Variants in P2RX7 observed in about 807,000 individuals in gnomAD.
The protein encoded by P2RX7 is P2X purinoceptor 7.
P2RX7 carries 62 observed loss-of-function variants against 71.6 expected under a neutral mutation model. The ratio of observed to expected loss-of-function variants is 0.87; its 90% CI spans 0.71 to 1.07. The LOEUF is 1.07. Ranked by LOEUF, P2RX7 falls within the 50% of genes least tolerant of loss-of-function variation. P2RX7 has a pLI of 0.00. For synonymous variants in P2RX7, 299 were observed against 283.3 expected (o/e 1.06, Z -0.56); for missense variants, 686 against 748.5 (o/e 0.92, Z 0.97).
chr12:121,162,737 A>C (rs1291174122), intron 5 of P2RX7, among the ~76,000 whole-genome samples: 3 of 152,096 alleles, frequency 2.0e-5, no homozygotes, highest in Non-Finnish European at 2.9e-5. Context: ...TCCTGTACCA[A>C]CTGGTAAATA....
intron 3 of P2RX7, among the ~76,000 whole-genome samples, chr12:121,156,929 G>A (rs1878691175): frequency 6.6e-6 from 1 of 152,292 alleles, no homozygotes; most frequent in South Asian, 2.1e-4. Flanking sequence ...CAAGGCAGGA[G>A]GATCACTGGA....
intron 5 of P2RX7, 23 bp downstream of exon 5, chr12:121,162,543 C>T: frequency 6.2e-7 from 1 of 1,609,838 alleles, no homozygotes; most frequent in Non-Finnish European, 8.5e-7. Flanking sequence ...GGGAGACAGA[C>T]ACAGTGGCCC....
chr12:121,132,912 G>A lies in P2RX7; in HGVS notation c.-59G>A, dbSNP rs575837631. On this transcript the variant is annotated 5_prime_UTR_variant, in exon 1 of 13. Coordinates refer to ENST00000328963, the MANE Select transcript of P2RX7 (RefSeq NM_002562.6). ...AGTTACTGGGAGGGGGCTTGCTGTGGCCCTGTCAGGAAGAGTAGAGCTCTG... is the reference window on the plus strand; with the variant it reads ...AGTTACTGGGAGGGGGCTTGCTGTGACCCTGTCAGGAAGAGTAGAGCTCTG... 1.7e-5 allele frequency: 27 copies of A among 1,604,906 alleles called. No homozygotes were observed. The East Asian group carries it at 4.7e-4, about 28-fold the overall frequency.
At chr12:121,142,811 A>G (rs773124198) in intron 1 of P2RX7, among the ~76,000 whole-genome samples, 3 of 151,892 alleles carry the variant, frequency 2.0e-5, no homozygotes, top group Non-Finnish European at 2.9e-5. Context: ...AACTTTGGCC[A>G]GGTGCAGTGG....
intron 8 of P2RX7, among the ~76,000 whole-genome samples, chr12:121,174,048 C>CTTTTTTTTTT (rs141344773): frequency 3.7e-4 from 27 of 73,898 alleles, no homozygotes; most frequent in East Asian, 5.6e-4. Flanking sequence ...CTTTTCTTTT[C>CTTTTTTTTTT]TTTTTTTTTT....
At position 121,149,463 on chromosome 12, in the gene P2RX7, C is replaced by T. The variant is rs1416408843; in HGVS notation, c.126-5322C>T. Among the ~76,000 whole-genome samples the T allele has an allele frequency of 6.6e-6, 1 of 152,190 alleles. No individual in the cohort carries two copies. Among genetic ancestry groups the T allele is most frequent in the Non-Finnish European group, 1.5e-5 (1 of 68,036 alleles). On this transcript the variant is annotated intron_variant, in intron 1 of 12. Transcript: ENST00000328963. This position sits in a 1 kb window ranked among gnomAD's most constrained non-coding sequence, Gnocchi z 4.7. ...GGCAGAGGGCGAAAGGCATGTCTTACATGGTGGCAGGCAAAAAGTGAATGA... is the reference window on the plus strand; with the variant it reads ...GGCAGAGGGCGAAAGGCATGTCTTATATGGTGGCAGGCAAAAAGTGAATGA...
intron 5 of P2RX7, among the ~76,000 whole-genome samples, chr12:121,162,982 G>A (rs1288015332): frequency 6.6e-6 from 1 of 151,680 alleles, no homozygotes; most frequent in South Asian, 2.1e-4. Flanking sequence ...AAAGAGGGGG[G>A]GAAGGAAGTT....
intron 8 of P2RX7, among the ~76,000 whole-genome samples, chr12:121,171,013 C>T (rs949227682): frequency 2.0e-5 from 3 of 152,166 alleles, no homozygotes; most frequent in African/African-American, 7.2e-5. Flanking sequence ...CGCTTATGCA[C>T]GACCTGTGTG....
Position 121,149,048 on chromosome 12 carries a change from C to A in P2RX7, c.126-5737C>A. On this transcript the variant is annotated intron_variant, in intron 1 of 12. Transcript: ENST00000328963. This position sits in a 1 kb window ranked among gnomAD's most constrained non-coding sequence, Gnocchi z 4.7. ...GGAACTTTGCTGAAAGGGAGGTCCT[C>A]CCTGCAGAGCTTGAAGAGCAATCTA... 1 of 581,736 alleles carries A rather than the reference C, an allele frequency of 1.7e-6. No homozygotes were observed. The allele number at this position is 581,736 out of a possible 1,614,324, so 36.0% of individuals were successfully genotyped here. A position where few individuals can be genotyped will look rare whatever the true frequency, so the allele number is the denominator to read the frequency against.
intron 3 of P2RX7, among the ~76,000 whole-genome samples, chr12:121,156,374 G>T (rs1321355454): frequency 6.6e-6 from 1 of 152,188 alleles, no homozygotes; most frequent in Non-Finnish European, 1.5e-5. Context: ...CTCGGTCTCT[G>T]GTTCTAGCAC....
chr12:121,174,220 G>A (rs1389196706), intron 8 of P2RX7, among the ~76,000 whole-genome samples: 2 of 151,498 alleles, frequency 1.3e-5, no homozygotes, highest in Non-Finnish European at 2.9e-5. Flanking sequence ...GCTAATTTTT[G>A]TATTTTTAGT....
intron 12 of P2RX7, among the ~76,000 whole-genome samples, chr12:121,182,063 A>C (rs536259617): frequency 2.2e-3 from 313 of 144,694 alleles, no homozygotes; most frequent in African/African-American, 7.4e-3. Flanking sequence ...GCTCCATCTA[A>C]AAAAAAAAAA....
chr12:121,173,533 ACCATACCAGG>A (rs1882560894), intron 8 of P2RX7, among the ~76,000 whole-genome samples: 1 of 152,248 alleles, frequency 6.6e-6, no homozygotes, highest in African/African-American at 2.4e-5. Flanking sequence ...GCCACACCAC[ACCATACCAGG>A]CCATACCAGG....
At chr12:121,179,354 GC>G (rs781717770) in intron 11 of P2RX7, among the ~76,000 whole-genome samples, 13 of 151,898 alleles carry the variant, frequency 8.6e-5, no homozygotes, top group Non-Finnish European at 1.8e-4. Flanking sequence ...CAAAAAATTA[GC>G]CAGGCATGGT....
chr12:121,154,979 G>T lies in P2RX7; in HGVS notation c.294+26G>T. ...GTGAGCACCTCGTAGCATTCTCCCA[G>T]GCTCGTCGCTGGTCACCGTCGCCAG... On this transcript the variant is annotated intron_variant, in intron 2 of 12. Transcript: ENST00000328963. This position sits in a 1 kb window ranked among gnomAD's most constrained non-coding sequence, Gnocchi z 4.2. 2 of 1,612,528 alleles carry T rather than the reference G, an allele frequency of 1.2e-6. No homozygotes were observed. Among genetic ancestry groups the T allele is most frequent in the Non-Finnish European group, 1.7e-6 (2 of 1,178,960 alleles).
At chr12:121,158,340 G>A (rs1287461020) in intron 3 of P2RX7, among the ~76,000 whole-genome samples, 2 of 152,092 alleles carry the variant, frequency 1.3e-5, no homozygotes, top group East Asian at 3.9e-4. Flanking sequence ...ATGGCAGCTG[G>A]GGTTGGCATC....
chr12:121,138,678 TA>T (rs1218641872), intron 1 of P2RX7, among the ~76,000 whole-genome samples: 1 of 152,154 alleles, frequency 6.6e-6, no homozygotes, highest in African/African-American at 2.4e-5. Context: ...AGCCAGAAAT[TA>T]GGGATTTCTA....
At chr12:121,161,094 C>T (rs1444962476) in intron 4 of P2RX7, 120 bp downstream of exon 4, 1 of 798,260 alleles carries the variant, frequency 1.3e-6, no homozygotes, top group Non-Finnish European at 2.3e-6. Flanking sequence ...CCACCATCAC[C>T]AAGCCATAGG....
intron 1 of P2RX7, among the ~76,000 whole-genome samples, chr12:121,150,869 A>G (rs996695422): frequency 6.6e-6 from 1 of 152,168 alleles, no homozygotes; most frequent in African/African-American, 2.4e-5. Context: ...AGATCGCGCC[A>G]TTGCACTCCA....
Sources: gnomAD v4.1 joint callset for allele counts (sites outside exome capture counted in the v4.1 genomes callset) on GRCh38, gnomAD v4.1.1 for gene constraint, Gnocchi (gnomAD v3.1) non-coding constraint, MANE v1.5 for transcripts, NCBI Gene and HGNC (gene_info 2026-07-23, HGNC 2026-07-21) for gene names.